Variants in DPH6 observed in about 807,000 individuals in gnomAD.
DPH6 encodes the protein diphthamine biosynthesis 6.
DPH6 carries 33 observed loss-of-function variants against 38.2 expected under a neutral mutation model. That is an observed-to-expected ratio of 0.86 (90% CI 0.65 to 1.15). The LOEUF (loss-of-function observed/expected upper bound fraction) is 1.15. DPH6 is among the 50% of genes most tolerant of loss of function. The pLI is 0.00. For missense variants in DPH6, 325 were observed against 320.0 expected (o/e 1.02, Z -0.12); for synonymous variants, 108 against 103.0 (o/e 1.05, Z -0.30).
At chr15:35,402,251 C>T (rs2053230136) in intron 6 of DPH6, among the ~76,000 whole-genome samples, 1 of 152,124 alleles carries the variant, frequency 6.6e-6, no homozygotes, top group East Asian at 1.9e-4. Flanking sequence ...CCATTGTCTT[C>T]AGAAACCTCT....
the DPH6 span, among the ~76,000 whole-genome samples, chr15:35,149,719 T>C: frequency 7.0e-4 from 106 of 152,338 alleles, no homozygotes; most frequent in African/African-American, 2.1e-3. Context: ...GAGCCTTTTA[T>C]AGAATTTGAC....
At chr15:35,453,777 TAGAG>T (rs761033352) in intron 4 of DPH6, among the ~76,000 whole-genome samples, 4 of 129,112 alleles carry the variant, frequency 3.1e-5, no homozygotes, top group Non-Finnish European at 4.8e-5. Context: ...ACCATGGAAT[TAGAG>T]AGAAAATAAA....
At chr15:35,507,013 A>G (rs1433053025) in intron 3 of DPH6, among the ~76,000 whole-genome samples, 1 of 152,162 alleles carries the variant, frequency 6.6e-6, no homozygotes, top group Non-Finnish European at 1.5e-5. Context: ...AATAATTTAA[A>G]TGAAAACATA....
chr15:35,188,636 C>T, the DPH6 span, among the ~76,000 whole-genome samples: 1 of 152,254 alleles, frequency 6.6e-6, no homozygotes, highest in South Asian at 2.1e-4. Context: ...GTCCCTCAGT[C>T]GAATTCTTTC....
downstream of DPH6, among the ~76,000 whole-genome samples, chr15:35,215,644 T>C (rs1244206660): frequency 1.3e-5 from 2 of 152,184 alleles, no homozygotes; most frequent in Non-Finnish European, 2.9e-5. Context: ...CTGCCTTGGA[T>C]TACAGGTGCT....
chr15:35,223,764 AATT>A lies in DPH6; in HGVS notation n.201-3185_201-3183del, dbSNP rs566939665. Reference sequence around the variant, plus strand: ...CTATAGCAATGAACCAATATTAATAAATTATTATTAATTAAAGTATATAGTTTA... The same window carrying A: ...CTATAGCAATGAACCAATATTAATAAATTATTAATTAAAGTATATAGTTTA... On this transcript the variant is annotated intron_variant and non_coding_transcript_variant, in intron 3 of 3. Coordinates refer to the DPH6 transcript ENST00000560386. Among the ~76,000 whole-genome samples the A allele has an allele frequency of 3.5e-4, 54 of 152,142 alleles. No homozygotes were observed. In the South Asian group the frequency reaches 8.5e-3, roughly 24 times the overall value.
At chr15:35,542,540 A>C in intron 1 of DPH6, 33 bp from the exon 2 acceptor site, 179 of 1,508,360 alleles carry the variant, frequency 1.2e-4, no homozygotes, top group Non-Finnish European at 1.5e-4. Context: ...GACAAATATC[A>C]TGCTACTGAC....
intron 3 of DPH6, among the ~76,000 whole-genome samples, chr15:35,275,185 G>A (rs1475944269): frequency 6.6e-6 from 1 of 152,124 alleles, no homozygotes; most frequent in African/African-American, 2.4e-5. Flanking sequence ...AAAGTGCTGG[G>A]ATTACAGGCT....
intron 4 of DPH6, among the ~76,000 whole-genome samples, chr15:35,454,437 A>G (rs2053971434): frequency 6.6e-6 from 1 of 152,148 alleles, no homozygotes; most frequent in Non-Finnish European, 1.5e-5. Flanking sequence ...GAGTTAAAAG[A>G]GATTAACAGG....
chr15:35,360,246 T>A (rs1020986074), intron 3 of DPH6, among the ~76,000 whole-genome samples: 1 of 152,114 alleles, frequency 6.6e-6, no homozygotes, highest in East Asian at 1.9e-4. Flanking sequence ...CTGTCTCACA[T>A]GGATGCTGCT....
chr15:35,352,286 T>G (rs1225243431), intron 3 of DPH6, among the ~76,000 whole-genome samples: 1 of 152,104 alleles, frequency 6.6e-6, no homozygotes, highest in Admixed American at 6.6e-5. Context: ...CTCCTTCAAT[T>G]TTTTTTATTA....
intron 3 of DPH6, among the ~76,000 whole-genome samples, chr15:35,463,913 G>C (rs1027620847): frequency 6.6e-6 from 1 of 152,108 alleles, no homozygotes; most frequent in African/African-American, 2.4e-5. Flanking sequence ...TACTAGGAAA[G>C]TTAAAACACA....
chr15:35,387,139 A>T (rs1189307600), intron 6 of DPH6, among the ~76,000 whole-genome samples: 3 of 152,144 alleles, frequency 2.0e-5, no homozygotes, highest in African/African-American at 7.2e-5. Flanking sequence ...TTTGTCAAAG[A>T]TCGGATAGTT....
intron 3 of DPH6, among the ~76,000 whole-genome samples, chr15:35,479,098 T>C (rs974878789): frequency 6.6e-5 from 10 of 152,046 alleles, no homozygotes; most frequent in Non-Finnish European, 1.2e-4. Context: ...TAACACTCCA[T>C]CATCTTTATA....
chr15:35,260,131 C>CA (rs1368810309), intron 3 of DPH6, among the ~76,000 whole-genome samples: 1 of 151,978 alleles, frequency 6.6e-6, no homozygotes, highest in Non-Finnish European at 1.5e-5. Context: ...TTTTTTGAGA[C>CA]AGAGTCTTGC....
chr15:35,364,500 G>A (rs1484701531), intron 3 of DPH6, among the ~76,000 whole-genome samples: 1 of 151,898 alleles, frequency 6.6e-6, no homozygotes, highest in Non-Finnish European at 1.5e-5. Context: ...AATAAATTTT[G>A]ACAAACAGAT....
intron 3 of DPH6, among the ~76,000 whole-genome samples, chr15:35,491,487 G>A (rs370759152): frequency 1.4e-5 from 2 of 146,872 alleles, no homozygotes; most frequent in East Asian, 2.1e-4. Flanking sequence ...GACCTGCCAT[G>A]GTTAACACAA....
the DPH6 span, among the ~76,000 whole-genome samples, chr15:35,160,451 CTTTTA>C: frequency 6.6e-6 from 1 of 151,730 alleles, no homozygotes; most frequent in Non-Finnish European, 1.5e-5. Flanking sequence ...CTTTTCTCAA[CTTTTA>C]TTTTAGGTTT....
chr15:35,210,029 G>A, the DPH6 span, among the ~76,000 whole-genome samples: 3 of 152,282 alleles, frequency 2.0e-5, no homozygotes, highest in Non-Finnish European at 4.4e-5. Context: ...AAAGTGTGCT[G>A]AAGTCTGGTG....
Sources: allele counts gnomAD v4.1 joint callset (sites outside exome capture counted in the v4.1 genomes callset), GRCh38; gene constraint gnomAD v4.1.1; transcripts MANE v1.5; gene names NCBI Gene and HGNC (gene_info 2026-07-23, HGNC 2026-07-21).